The following PCDHB5 variants were observed in gnomAD, a reference collection of about 807,000 sequenced individuals.
PCDHB5 encodes the protein protocadherin beta 5.
For synonymous variants in PCDHB5, 569 were observed against 462.2 expected, an observed-to-expected ratio of 1.23 and a Z score of -2.96; for missense variants, 1,125 against 1,029.4, an observed-to-expected ratio of 1.09 and a Z score of -1.27.
At position 141,135,662 on chromosome 5, in the gene PCDHB5, G is replaced by T. The variant is rs199614199; in HGVS notation, c.228G>T (p.Gln76His). 1 of 1,614,128 alleles carries T rather than the reference G, an allele frequency of 6.2e-7. No homozygotes were observed. Among genetic ancestry groups the T allele is most frequent in the Admixed American group, 1.7e-5 (1 of 60,026 alleles). ...ACAAAGGAAACAAAGAGCTCTTGCA[G>T]CTTGATATAAAGACCGGCAATTTGC... ...MHYKGNKELL[Q>H]LDIKTGNLLL... The change falls in exon 1 of 1, where the codon CAG becomes CAT. Residue 76 changes from glutamine (Q) to histidine (H), a missense_variant. Gln to His is a conservative substitution (Grantham distance 24, BLOSUM62 0). Transcript: ENST00000231134.
rs139801121 is a variant in PCDHB5, at chr5:141,137,452, C to G, written c.2018C>G (p.Pro673Arg). The change falls in exon 1 of 1, where the codon CCG (proline) becomes CGG (arginine). Residue 673 changes from proline to arginine, a missense_variant. By Grantham distance (103) the Pro-to-Arg change is moderately radical. Transcript: ENST00000231134. ...TTCTCCCAGCCCTACCTGCCGCTGC[C>G]GGAGGCGGCCCCGGCCCAGGCCCAG... Reference protein sequence around the residue: ...DGFSQPYLPLPEAAPAQAQAD... With the variant: ...DGFSQPYLPLREAAPAQAQAD... 29,527 of 1,612,390 alleles carry G rather than the reference C, an allele frequency of 0.018. 328 individuals are homozygous for G. The highest frequency in any genetic ancestry group is 0.022 in the Middle Eastern group (118 of 5,256).
At position 141,137,228 on chromosome 5, in the gene PCDHB5, C is replaced by T. The variant is rs782428821; in HGVS notation, c.1794C>T (p.Asn598=). The change falls in exon 1 of 1, where the codon AAC becomes AAT. Residue 598 remains asparagine (N), a synonymous_variant. Coordinates refer to ENST00000231134, the MANE Select transcript of PCDHB5 (RefSeq NM_015669.5). The part of the protein sequence containing the change: ...VVAVDGDSGQ[N]AWLSYQLLKA... ...CGGTGGACGGTGACTCGGGCCAGAA[C>T]GCCTGGCTGTCGTACCAGCTGCTCA... 3.7e-6 allele frequency: 6 copies of T among 1,610,874 alleles called. No individual in the cohort carries two copies. The African/African-American group carries it at 6.7e-5, about 18-fold the overall frequency.
In PCDHB5 at chr5:141,137,330, C is replaced by T; in HGVS notation, c.1896C>T (p.Arg632=). ...EVRTARLLSE[R]DAAKHRLVVL... ...GCACCGCCAGGCTGCTGAGCGAGCG[C>T]GACGCGGCCAAGCACAGGCTGGTGG... The change falls in exon 1 of 1, where the codon CGC becomes CGT. Residue 632 remains arginine (R), a synonymous_variant. Transcript: ENST00000231134. 6.2e-7 allele frequency: 1 copy of T among 1,609,918 alleles called. No homozygotes were observed. Among genetic ancestry groups the T allele is most frequent in the Non-Finnish European group, 8.5e-7 (1 of 1,179,570 alleles).
chr5:141,137,606 C>T lies in PCDHB5; in HGVS notation c.2172C>T (p.Cys724=), dbSNP rs199990743. 7 of 1,613,426 alleles carry T rather than the reference C, an allele frequency of 4.3e-6. No homozygotes were observed. The highest frequency in any genetic ancestry group is 3.4e-6 in the Non-Finnish European group (4 of 1,180,036). Residue 724 remains cysteine, a synonymous_variant, in exon 1 of 1, where the codon TGC becomes TGT. Coordinates refer to ENST00000231134, the MANE Select transcript of PCDHB5 (RefSeq NM_015669.5). The part of the protein sequence containing the change: ...RRSRAAPVGR[C]SVPEGPFPGH... The stretch of plus-strand genomic sequence containing the variant: ...GCAGGGCGGCCCCGGTCGGTCGCTG[C>T]TCGGTGCCCGAGGGCCCCTTTCCAG...
Position 141,136,581 on chromosome 5 carries a change from T to C in PCDHB5, c.1147T>C (p.Ser383Pro). The change falls in exon 1 of 1, where the codon TCC becomes CCC. Residue 383 changes from serine to proline, a missense_variant. Physicochemically the swap from Ser to Pro is moderately conservative, Grantham distance 74. Transcript: ENST00000231134. Reference sequence around the variant, plus strand: ...CGGGGACAACGGTAGGATGATTTGCTCCATCCAGAATGATCTCCCCTTTCT... The same window carrying C: ...CGGGGACAACGGTAGGATGATTTGCCCCATCCAGAATGATCTCCCCTTTCT... ...DSGDNGRMIC[S>P]IQNDLPFLLK... 6.2e-7 allele frequency: 1 copy of C among 1,614,072 alleles called. No individual in the cohort carries two copies. The highest frequency in any genetic ancestry group is 8.5e-7 in the Non-Finnish European group (1 of 1,180,016).
rs1752645313 is a variant in PCDHB5, at chr5:141,138,466, T to C, written c.*644T>C. 6.6e-6 allele frequency: 1 copy of C among 152,194 alleles called. No homozygotes were observed. The highest frequency in any genetic ancestry group is 6.5e-5 in the Admixed American group (1 of 15,280). The allele number at this position is 152,194 out of a possible 1,614,324, so 9.4% of individuals were successfully genotyped here. A position where few individuals can be genotyped will look rare whatever the true frequency, so the allele number is the denominator to read the frequency against. ...TATTACCAGCAGCTTGAAGAGAAAA[T>C]GAAACATCACTGGCACCCCAGGTGC... is the stretch of plus-strand genomic sequence containing the variant. On this transcript the variant is annotated 3_prime_UTR_variant, in exon 1 of 1. Coordinates refer to ENST00000231134, the MANE Select transcript of PCDHB5 (RefSeq NM_015669.5).
rs1199837263 is a variant in PCDHB5, at chr5:141,138,055, GA to G, written c.*234del. On this transcript the variant is annotated 3_prime_UTR_variant, in exon 1 of 1. Transcript: ENST00000231134. ...CCATGCATGCTGTTGATTTTCCTGA[GA>G]TTTTTTTCTCTTCTTGTTGGTATTT... 4.3e-6 allele frequency: 2 copies of G among 464,170 alleles called. No homozygotes were observed. Among genetic ancestry groups the G allele is most frequent in the Non-Finnish European group, 7.7e-6 (2 of 259,424 alleles). The allele number at this position is 464,170 out of a possible 1,614,324, so 28.8% of individuals were successfully genotyped here. A position where few individuals can be genotyped will look rare whatever the true frequency, so the allele number is the denominator to read the frequency against.
Position 141,136,447 on chromosome 5 carries a change from A to T in PCDHB5, c.1013A>T (p.Asp338Val), listed in dbSNP as rs376250490. The change falls in exon 1 of 1, where the codon GAT becomes GTT. Residue 338 changes from aspartate to valine, a missense_variant. Transcript: ENST00000231134. ...GKCTVAIEVV[D>V]VNDNAPELTM... ...TGCACTGTGGCTATAGAAGTGGTGG[A>T]TGTGAATGACAACGCCCCTGAACTC... 2 of 1,614,174 alleles carry T rather than the reference A, an allele frequency of 1.2e-6. No individual in the cohort carries two copies. Among genetic ancestry groups the T allele is most frequent in the South Asian group, 1.1e-5 (1 of 91,074 alleles).
At position 141,137,837 on chromosome 5, in the gene PCDHB5, C is replaced by T. The variant is rs1554276324; in HGVS notation, c.*15C>T. The T allele has an allele frequency of 6.4e-7, 1 of 1,551,982 alleles. No homozygotes were observed. Among genetic ancestry groups the T allele is most frequent in the South Asian group, 1.2e-5 (1 of 81,722 alleles). On this transcript the variant is annotated 3_prime_UTR_variant, in exon 1 of 1. Transcript: ENST00000231134. ...GATTAAATTAGAGATCTCGTGATGA[C>T]GCGTTGTTTTCTGCCATTTATCCCA...
In PCDHB5 at chr5:141,137,945, A is replaced by T; in HGVS notation, c.*123A>T. On this transcript the variant is annotated 3_prime_UTR_variant, in exon 1 of 1. Transcript: ENST00000231134. Reference sequence around the variant, plus strand: ...GAGCTTTTATTTCCCTTTTTAATGGATTTGTCTGTTGAACTTCATGCTGTC... The same window carrying T: ...GAGCTTTTATTTCCCTTTTTAATGGTTTTGTCTGTTGAACTTCATGCTGTC... 1.1e-6 allele frequency: 1 copy of T among 907,206 alleles called. No individual in the cohort carries two copies. The highest frequency in any genetic ancestry group is 1.7e-5 in the African/African-American group (1 of 59,786). The allele number at this position is 907,206 out of a possible 1,614,324, so 56.2% of individuals were successfully genotyped here. A position where few individuals can be genotyped will look rare whatever the true frequency, so the allele number is the denominator to read the frequency against.
chr5:141,136,150 C>T lies in PCDHB5; in HGVS notation c.716C>T (p.Ala239Val), dbSNP rs782107880. The T allele has an allele frequency of 2.7e-5, 43 of 1,614,122 alleles. No individual in the cohort carries two copies. Among genetic ancestry groups the T allele is most frequent in the Non-Finnish European group, 3.6e-5 (43 of 1,179,966 alleles). Residue 239 changes from alanine to valine, a missense_variant, in exon 1 of 1, where the codon GCC becomes GTC. By Grantham distance (64) the Ala-to-Val change is moderately conservative (BLOSUM62 0). Transcript: ENST00000231134. ...RIVVLDNNDN[A>V]PEFLQSFYEV... ...GTCGTCTTGGATAATAATGACAACGCCCCCGAATTTTTACAATCATTCTAT... is the reference window on the plus strand; with the variant it reads ...GTCGTCTTGGATAATAATGACAACGTCCCCGAATTTTTACAATCATTCTAT...
rs2149632357 is a variant in PCDHB5, at chr5:141,135,707, C to T, written c.273C>T (p.Asp91=). Reference sequence around the variant, plus strand: ...ATTTGCTTCTATATGAAAAACTAGACCGGGAGGTGATGTGCGGGGCGACAG... The same window carrying T: ...ATTTGCTTCTATATGAAAAACTAGATCGGGAGGTGATGTGCGGGGCGACAG... The part of the protein sequence containing the change: ...TGNLLLYEKL[D]REVMCGATEP... The change falls in exon 1 of 1, where the codon GAC becomes GAT. Residue 91 remains aspartate, a synonymous_variant. Coordinates refer to ENST00000231134, the MANE Select transcript of PCDHB5 (RefSeq NM_015669.5). 6.2e-7 allele frequency: 1 copy of T among 1,614,062 alleles called. No homozygotes were observed. Among genetic ancestry groups the T allele is most frequent in the South Asian group, 1.1e-5 (1 of 91,062 alleles).
Position 141,136,569 on chromosome 5 carries a change from A to G in PCDHB5, c.1135A>G (p.Arg379Gly). The G allele has an allele frequency of 1.2e-6, 2 of 1,614,164 alleles. No individual in the cohort carries two copies. The highest frequency in any genetic ancestry group is 2.2e-5 in the South Asian group (2 of 91,062). Residue 379 changes from arginine to glycine, a missense_variant, in exon 1 of 1, where the codon AGG becomes GGG. By Grantham distance (125) the Arg-to-Gly change is moderately radical. Coordinates refer to ENST00000231134, the MANE Select transcript of PCDHB5 (RefSeq NM_015669.5). ...VSDPDSGDNG[R>G]MICSIQNDLP... Reference sequence around the variant, plus strand: ...TGATCCAGACTCCGGGGACAACGGTAGGATGATTTGCTCCATCCAGAATGA... The same window carrying G: ...TGATCCAGACTCCGGGGACAACGGTGGGATGATTTGCTCCATCCAGAATGA...
chr5:141,135,382 C>T lies in PCDHB5; in HGVS notation c.-53C>T, dbSNP rs1233896094. On this transcript the variant is annotated 5_prime_UTR_variant, in exon 1 of 1. Coordinates refer to ENST00000231134, the MANE Select transcript of PCDHB5 (RefSeq NM_015669.5). ...ATTCGCGGTTATTTATGCAAATCAT[C>T]TGGGTGGATTGTGTACGGAGTTAAA... 2 of 1,240,826 alleles carry T rather than the reference C, an allele frequency of 1.6e-6. No individual in the cohort carries two copies. The highest frequency in any genetic ancestry group is 2.3e-6 in the Non-Finnish European group (2 of 881,614). The allele number at this position is 1,240,826 out of a possible 1,614,324, so 76.9% of individuals were successfully genotyped here. A position where few individuals can be genotyped will look rare whatever the true frequency, so the allele number is the denominator to read the frequency against.
In PCDHB5 at chr5:141,136,812, C is replaced by A. The variant is rs201677139; in HGVS notation, c.1378C>A (p.Arg460=). 7.4e-6 allele frequency: 12 copies of A among 1,613,506 alleles called. 1 individual carries two copies. The Admixed American group carries it at 1.7e-4, about 22-fold the overall frequency. The change falls in exon 1 of 1, where the codon CGA becomes AGA. Residue 460 remains arginine, a synonymous_variant. Transcript: ENST00000231134. Reference sequence around the variant, plus strand: ...CCAAACCTCCTACACCCTGTTCGTCCGAGAGAACAACAGCCCCGCCCTGCA... The same window carrying A: ...CCAAACCTCCTACACCCTGTTCGTCAGAGAGAACAACAGCCCCGCCCTGCA... ...FTQTSYTLFV[R]ENNSPALHIG... is the part of the protein sequence containing the mutation.
chr5:141,137,474 C>T lies in PCDHB5; in HGVS notation c.2040C>T (p.Ala680=). 1 of 1,612,712 alleles carries T rather than the reference C, an allele frequency of 6.2e-7. No individual in the cohort carries two copies. The highest frequency in any genetic ancestry group is 1.1e-5 in the South Asian group (1 of 91,016). The change falls in exon 1 of 1, where the codon GCC becomes GCT. Residue 680 remains alanine, a synonymous_variant. Transcript: ENST00000231134. The part of the protein sequence containing the change: ...LPLPEAAPAQ[A]QADSLTVYLV... ...TGCCGGAGGCGGCCCCGGCCCAGGCCCAGGCCGACTCGCTCACTGTCTACC... is the reference window on the plus strand; with the variant it reads ...TGCCGGAGGCGGCCCCGGCCCAGGCTCAGGCCGACTCGCTCACTGTCTACC...
At position 141,137,066 on chromosome 5, in the gene PCDHB5, G is replaced by T. The variant is rs782326775; in HGVS notation, c.1632G>T (p.Ala544=). The change falls in exon 1 of 1, where the codon GCG becomes GCT. Residue 544 remains alanine (A), a synonymous_variant. Transcript: ENST00000231134. ...GCTCCCCGGCGCTGAGCAGCGAGGC[G>T]CTGGTGCGCGTGCTGGTGCTGGACG... ...DRGSPALSSE[A]LVRVLVLDAN... 2.0e-5 allele frequency: 32 copies of T among 1,611,606 alleles called. No homozygotes were observed. Among genetic ancestry groups the T allele is most frequent in the Non-Finnish European group, 2.6e-5 (31 of 1,179,692 alleles).
chr5:141,137,452 C>T lies in PCDHB5; in HGVS notation c.2018C>T (p.Pro673Leu), dbSNP rs139801121. ...DGFSQPYLPL[P>L]EAAPAQAQAD... ...TTCTCCCAGCCCTACCTGCCGCTGCCGGAGGCGGCCCCGGCCCAGGCCCAG... is the reference window on the plus strand; with the variant it reads ...TTCTCCCAGCCCTACCTGCCGCTGCTGGAGGCGGCCCCGGCCCAGGCCCAG... The change falls in exon 1 of 1, where the codon CCG (proline) becomes CTG (leucine). Residue 673 changes from proline to leucine, a missense_variant. Pro to Leu is a moderately conservative substitution (Grantham distance 98). Transcript: ENST00000231134. 12 of 1,612,396 alleles carry T rather than the reference C, an allele frequency of 7.4e-6. No homozygotes were observed. Among genetic ancestry groups the T allele is most frequent in the Non-Finnish European group, 9.3e-6 (11 of 1,179,664 alleles).
At position 141,135,475 on chromosome 5, in the gene PCDHB5, T is replaced by C; in HGVS notation, c.41T>C (p.Val14Ala). 3.1e-6 allele frequency: 5 copies of C among 1,613,406 alleles called. No individual in the cohort carries two copies. Among genetic ancestry groups the C allele is most frequent in the Non-Finnish European group, 4.2e-6 (5 of 1,179,788 alleles). Residue 14 changes from valine (V) to alanine (A), a missense_variant, in exon 1 of 1, where the codon GTT becomes GCT. Physicochemically the swap from Val to Ala is moderately conservative, Grantham distance 64 (BLOSUM62 0). Transcript: ENST00000231134. ...GCAAAAACGCCACAGAAAAGGCAAGTTATGTTTCTTGCTATATTGTTGCTT... is the reference window on the plus strand; with the variant it reads ...GCAAAAACGCCACAGAAAAGGCAAGCTATGTTTCTTGCTATATTGTTGCTT... The part of the protein sequence containing the change: ...ALAKTPQKRQ[V>A]MFLAILLLLW...
Sources: allele counts gnomAD v4.1 joint callset, GRCh38; gene constraint gnomAD v4.1.1; transcripts MANE v1.5; gene names NCBI Gene and HGNC (gene_info 2026-07-23, HGNC 2026-07-21).